Variants in NES observed in about 807,000 individuals in gnomAD.
NES encodes nestin.
In NES, 27 loss-of-function variants were observed where a neutral mutation model predicts 35.6. That is an observed-to-expected ratio of 0.76 (90% CI 0.56 to 1.04). The LOEUF (loss-of-function observed/expected upper bound fraction) is 1.04. NES is among the 50% of genes least tolerant of loss of function. The pLI is 0.00. For missense variants in NES, 1,867 were observed against 1,983.6 expected (o/e 0.94, Z 1.12); for synonymous variants, 822 against 824.2 (o/e 1.00, Z 0.04).
rs199937401 is a variant in NES, at chr1:156,672,890, C to T, written c.1298G>A (p.Arg433Lys). The change falls in exon 4 of 4, where the codon AGG becomes AAG. Residue 433 changes from arginine (R) to lysine (K), a missense_variant. By Grantham distance (26) the Arg-to-Lys change is conservative. Coordinates refer to ENST00000368223, the MANE Select transcript of NES (RefSeq NM_006617.2). ...CAGGACGCTGGCAGGAATGGCCACC[C>T]TGGCTTCAGCCCGCAGGGGCTCTGG... ...QAPEPLRAEA[R>K]VAIPASVLPG... is the part of the protein sequence containing the mutation. 1.2e-6 allele frequency: 2 copies of T among 1,613,972 alleles called. No homozygotes were observed. The highest frequency in any genetic ancestry group is 2.2e-5 in the East Asian group (1 of 44,892).
chr1:156,668,901 A>C lies in NES; in HGVS notation c.*421T>G. On this transcript the variant is annotated 3_prime_UTR_variant, in exon 4 of 4. Transcript: ENST00000368223. ...GCCAGACGGCCCAGGAGGGCGTGCT[A>C]CTGCAGTGAGATGGTGCACTACTGC... 6.2e-6 allele frequency: 1 copy of C among 162,054 alleles called. No homozygotes were observed. Among genetic ancestry groups the C allele is most frequent in the Non-Finnish European group, 1.3e-5 (1 of 74,700 alleles). The allele number at this position is 162,054 out of a possible 1,614,324, so 10.0% of individuals were successfully genotyped here.
At position 156,670,548 on chromosome 1, in the gene NES, C is replaced by T. The variant is rs1385650552; in HGVS notation, c.3640G>A (p.Val1214Ile). The change falls in exon 4 of 4, where the codon GTA (valine) becomes ATA (isoleucine). Residue 1214 changes from valine (V) to isoleucine (I), a missense_variant. By Grantham distance (29) the Val-to-Ile change is conservative. Transcript: ENST00000368223. ...CTGGGGGAGACCAGCACTGGTGGTA[C>T]ATCCTCCTCAGCTTCCTCTGACCCC... is the stretch of plus-strand genomic sequence containing the variant. ...PLGSEEAEED[V>I]PPVLVSPSPT... 3 of 1,610,470 alleles carry T rather than the reference C, an allele frequency of 1.9e-6. 1 individual carries two copies. The highest frequency in any genetic ancestry group is 2.2e-5 in the South Asian group (2 of 90,898).
At chr1:156,673,566 C>T in intron 2 of NES, 39 bp from the exon 3 acceptor site, 1 of 1,531,488 alleles carries the variant, frequency 6.5e-7, no homozygotes, top group Non-Finnish European at 9.0e-7. Context: ...AGCCCTCTGC[C>T]CCCAGGCCTG....
rs547278501 is a variant in NES at position 156,673,148 on chromosome 1, A to G, written c.1040T>C (p.Leu347Ser). 1 of 1,549,944 alleles carries G rather than the reference A, an allele frequency of 6.5e-7. No homozygotes were observed. Among genetic ancestry groups the G allele is most frequent in the Non-Finnish European group, 8.7e-7 (1 of 1,147,030 alleles). ...RTPEGRRLGS[L>S]LPVLSPTSLP... ...GGAAGTTGGGCTCAGGACTGGGAGC[A>G]AAGATCCAAGACGCCGGCCCTCTGG... The change falls in exon 4 of 4, where the codon TTG becomes TCG. Residue 347 changes from leucine (L) to serine (S), a missense_variant. Transcript: ENST00000368223.
Position 156,670,443 on chromosome 1 carries a change from C to A in NES, c.3745G>T (p.Val1249Leu). Residue 1249 changes from valine to leucine, a missense_variant, in exon 4 of 4, where the codon GTG becomes TTG. By Grantham distance (32) the Val-to-Leu change is conservative (BLOSUM62 1). Transcript: ENST00000368223. ...CCCAGGGCTTCAGCCCTCCCCTGCACCCCCCAGCTAGCCTCCTGACTCCCT... is the reference window on the plus strand; with the variant it reads ...CCCAGGGCTTCAGCCCTCCCCTGCAACCCCCAGCTAGCCTCCTGACTCCCT... Reference protein sequence around the residue: ...AEGSQEASWGVQGRAEALGKV... With the variant: ...AEGSQEASWGLQGRAEALGKV... 1.9e-6 allele frequency: 3 copies of A among 1,560,734 alleles called. No individual in the cohort carries two copies. Among genetic ancestry groups the A allele is most frequent in the Non-Finnish European group, 2.6e-6 (3 of 1,153,110 alleles).
At position 156,672,122 on chromosome 1, in the gene NES, A is replaced by T; in HGVS notation, c.2066T>A (p.Leu689Gln). ...RSPEVGDEEA[L>Q]RPLTKENQEP... ...CTGATTCTCCTTTGTCAGAGGTCTC[A>T]GTGCCTCCTCATCCCCTACTTCTGG... Residue 689 changes from leucine to glutamine, a missense_variant, in exon 4 of 4, where the codon CTG (leucine) becomes CAG (glutamine). Transcript: ENST00000368223. 1 of 1,611,408 alleles carries T rather than the reference A, an allele frequency of 6.2e-7. No individual in the cohort carries two copies.
intron 3 of NES, 106 bp from the exon 4 acceptor site, chr1:156,673,311 GC>G: frequency 7.7e-7 from 1 of 1,300,400 alleles, no homozygotes; most frequent in Non-Finnish European, 1.1e-6. Context: ...TGCCCCTGGC[GC>G]CCATGGCTGG....
Position 156,676,817 on chromosome 1 carries a change from C to G in NES, c.448G>C (p.Gly150Arg), listed in dbSNP as rs1255392025. 5 of 1,433,806 alleles carry G rather than the reference C, an allele frequency of 3.5e-6. No homozygotes were observed. The highest frequency in any genetic ancestry group is 4.5e-6 in the Non-Finnish European group (5 of 1,107,300). The allele number at this position is 1,433,806 out of a possible 1,614,324, so 88.8% of individuals were successfully genotyped here. Residue 150 changes from glycine (G) to arginine (R), a missense_variant, in exon 1 of 4, where the codon GGC becomes CGC. By Grantham distance (125) the Gly-to-Arg change is moderately radical. Coordinates refer to ENST00000368223, the MANE Select transcript of NES (RefSeq NM_006617.2). This position sits in a 1 kb window ranked among gnomAD's most constrained non-coding sequence, Gnocchi z 5.3. ...GCACAGGCAGCCTGCGCGTTCAGGC[C>G]GACGCGCTCCTCCTCGTGCGCCACG... is the stretch of plus-strand genomic sequence containing the variant. ...LRVAHEEERVGLNAQAACAPR... is the reference protein window; with the variant it reads ...LRVAHEEERVRLNAQAACAPR...
Position 156,670,819 on chromosome 1 carries a change from G to T in NES, c.3369C>A (p.Pro1123=). 1 of 1,612,854 alleles carries T rather than the reference G, an allele frequency of 6.2e-7. No individual in the cohort carries two copies. Among genetic ancestry groups the T allele is most frequent in the East Asian group, 2.2e-5 (1 of 44,734 alleles). Residue 1123 remains proline, a synonymous_variant, in exon 4 of 4, where the codon CCC becomes CCA. Transcript: ENST00000368223. The stretch of plus-strand genomic sequence containing the variant: ...TTGCCTCCAAACTCTCCTCTTCCAG[G>T]GGTGGTTCCATCACCTCTTCCCTGG... ...HLTREEVMEP[P]LEEESLEAKR... is the part of the protein sequence containing the mutation.
In NES at chr1:156,669,378, G is replaced by A. The variant is rs751871166; in HGVS notation, c.4810C>T (p.Leu1604=). Residue 1604 remains leucine, a synonymous_variant, in exon 4 of 4, where the codon CTG becomes TTG. Transcript: ENST00000368223. ...TCTCCTTCCCTCTGAGTGAACTTCA[G>A]GAACTGACCCTGGCCCAGGTGAACA... ...APVHLGQGQF[L]KFTQREGDRE... is the part of the protein sequence containing the mutation. 2.5e-6 allele frequency: 4 copies of A among 1,608,914 alleles called. No homozygotes were observed. The South Asian group carries it at 4.4e-5, about 18-fold the overall frequency.
chr1:156,674,056 C>T (rs1305561730), intron 2 of NES, among the ~76,000 whole-genome samples: 3 of 152,180 alleles, frequency 2.0e-5, no homozygotes, highest in Non-Finnish European at 4.4e-5. Context: ...TCAGCTCCCC[C>T]TCTCCAAATC....
In NES at chr1:156,675,212, G is replaced by A. The variant is rs916470031; in HGVS notation, c.908+4C>T. 8.7e-6 allele frequency: 14 copies of A among 1,612,800 alleles called. No individual in the cohort carries two copies. Among genetic ancestry groups the A allele is most frequent in the East Asian group, 4.5e-5 (2 of 44,876 alleles). On this transcript the variant is annotated splice_donor_region_variant and intron_variant, in intron 2 of 3. Transcript: ENST00000368223. ...TGCCTGGGTGGACAGGGCTCGTCTCGTACCTGTACGTGGCCACCTCCAGGC... is the reference window on the plus strand; with the variant it reads ...TGCCTGGGTGGACAGGGCTCGTCTCATACCTGTACGTGGCCACCTCCAGGC...
rs369708174 is a variant in NES, at chr1:156,669,890, C to G, written c.4298G>C (p.Gly1433Ala). The G allele has an allele frequency of 9.3e-6, 15 of 1,613,554 alleles. No individual in the cohort carries two copies. The Admixed American group carries it at 2.5e-4, about 27-fold the overall frequency. ...EEDQEEGREPGAGRWGPGSSV... is the reference protein window; with the variant it reads ...EEDQEEGREPAAGRWGPGSSV... ...AGACCCTGGCCCCCACCGCCCAGCC[C>G]CTGGCTCCCTCCCCTCCTCCTGATC... The change falls in exon 4 of 4, where the codon GGG becomes GCG. Residue 1433 changes from glycine (G) to alanine (A), a missense_variant. By Grantham distance (60) the Gly-to-Ala change is moderately conservative. Transcript: ENST00000368223.
chr1:156,673,638 TTCC>T (rs1249652117), intron 2 of NES, 111 bp from the exon 3 acceptor site: 1 of 659,748 alleles, frequency 1.5e-6, no homozygotes, highest in African/African-American at 1.8e-5. Context: ...CCCTGCAGGC[TTCC>T]TCTTCATTTG....
In NES at chr1:156,677,165, C is replaced by G; in HGVS notation, c.100G>C (p.Glu34Gln). 1 of 1,612,112 alleles carries G rather than the reference C, an allele frequency of 6.2e-7. No individual in the cohort carries two copies. The highest frequency in any genetic ancestry group is 1.7e-4 in the Middle Eastern group (1 of 6,060). Residue 34 changes from glutamate to glutamine, a missense_variant, in exon 1 of 4, where the codon GAG (glutamate) becomes CAG (glutamine). Coordinates refer to ENST00000368223, the MANE Select transcript of NES (RefSeq NM_006617.2). This position sits in a 1 kb window ranked among gnomAD's most constrained non-coding sequence, Gnocchi z 4.5. The part of the protein sequence containing the change: ...ARVKALEEQN[E>Q]LLSAELGGLR... ...CCCCCGAGCTCCGCGCTGAGCAGCT[C>G]ATTCTGCTCCTCCAGCGCCTTGACC... is the stretch of plus-strand genomic sequence containing the variant.
Position 156,672,258 on chromosome 1 carries a change from C to T in NES, c.1930G>A (p.Glu644Lys). 1 of 1,600,926 alleles carries T rather than the reference C, an allele frequency of 6.2e-7. No individual in the cohort carries two copies. The highest frequency in any genetic ancestry group is 8.5e-7 in the Non-Finnish European group (1 of 1,175,806). Residue 644 changes from glutamate to lysine, a missense_variant, in exon 4 of 4, where the codon GAG (glutamate) becomes AAG (lysine). Transcript: ENST00000368223. The part of the protein sequence containing the change: ...ELMKSLEGNL[E>K]TFLFPGTENQ... ...TCCGTTCCTGGAAATAAAAATGTCT[C>T]TAGATTACCTTCAAGAGATTTCATT...
In NES at chr1:156,672,037, C is replaced by G. The variant is rs1215799422; in HGVS notation, c.2151G>C (p.Glu717Asp). 1.9e-6 allele frequency: 3 copies of G among 1,613,762 alleles called. No homozygotes were observed. Among genetic ancestry groups the G allele is most frequent in the South Asian group, 1.1e-5 (1 of 91,066 alleles). Reference sequence around the variant, plus strand: ...CTAGAGTCTTCAGTGGCTCCTGGTTCTCTTTTTCTAGAGATCTAAAGGCCT... The same window carrying G: ...CTAGAGTCTTCAGTGGCTCCTGGTTGTCTTTTTCTAGAGATCTAAAGGCCT... ...NKEAFRSLEK[E>D]NQEPLKTLEE... The change falls in exon 4 of 4, where the codon GAG becomes GAC. Residue 717 changes from glutamate to aspartate, a missense_variant. Physicochemically the swap from Glu to Asp is conservative, Grantham distance 45. Coordinates refer to ENST00000368223, the MANE Select transcript of NES (RefSeq NM_006617.2).
In NES at chr1:156,669,280, C is replaced by G. The variant is rs759473170; in HGVS notation, c.*42G>C. 1.4e-5 allele frequency: 20 copies of G among 1,437,456 alleles called. No homozygotes were observed. In the South Asian group the frequency reaches 2.3e-4, roughly 16 times the overall value. The allele number at this position is 1,437,456 out of a possible 1,614,324, so 89.0% of individuals were successfully genotyped here. Reference sequence around the variant, plus strand: ...CGGGCTTGGAGGCGTCCTTCCCCTCCCCGCACCCCTAAGTCCCCAGTGCCG... The same window carrying G: ...CGGGCTTGGAGGCGTCCTTCCCCTCGCCGCACCCCTAAGTCCCCAGTGCCG... On this transcript the variant is annotated 3_prime_UTR_variant, in exon 4 of 4. Coordinates refer to ENST00000368223, the MANE Select transcript of NES (RefSeq NM_006617.2).
Position 156,669,008 on chromosome 1 carries a change from G to C in NES, c.*314C>G, listed in dbSNP as rs772295609. ...CTTTGGAGAAGCCTCTGGGCCACAGGCCTTTTCCAGCTGACGGGATGCGGA... is the reference window on the plus strand; with the variant it reads ...CTTTGGAGAAGCCTCTGGGCCACAGCCCTTTTCCAGCTGACGGGATGCGGA... On this transcript the variant is annotated 3_prime_UTR_variant, in exon 4 of 4. Transcript: ENST00000368223. 4.0e-6 allele frequency: 1 copy of C among 249,146 alleles called. No individual in the cohort carries two copies. The highest frequency in any genetic ancestry group is 7.6e-5 in the East Asian group (1 of 13,186). 15.4% of individuals were successfully genotyped at this position (249,146 alleles called of 1,614,324 possible).
Sources: allele counts gnomAD v4.1 joint callset (sites outside exome capture counted in the v4.1 genomes callset), GRCh38; gene constraint gnomAD v4.1.1; non-coding constraint Gnocchi (gnomAD v3.1); transcripts MANE v1.5; gene names NCBI Gene and HGNC (gene_info 2026-07-23, HGNC 2026-07-21).